The following RB1CC1 variants were observed in gnomAD, a reference collection of about 807,000 sequenced individuals.
The protein encoded by RB1CC1 is RB1 inducible coiled-coil 1.
RB1CC1 carries 46 observed loss-of-function variants against 177.5 expected under a neutral mutation model. That is an observed-to-expected ratio of 0.26 (90% CI 0.20 to 0.33). The LOEUF is 0.33. Among genes scored for constraint, RB1CC1 ranks in the 10% least tolerant of loss-of-function variants. The pLI is 1.00. For synonymous variants in RB1CC1, 666 were observed against 613.6 expected (o/e 1.09, Z -1.26); for missense variants, 1,703 against 1,816.3 (o/e 0.94, Z 1.13).
chr8:52,667,897 A>T, intron 8 of RB1CC1, 124 bp downstream of exon 8: 2 of 910,482 alleles, frequency 2.2e-6, no homozygotes, highest in Non-Finnish European at 1.6e-6. Context: ...AAACAATATT[A>T]ATACATTAAA....
Position 52,671,521 on chromosome 8 carries a change from AG to A in RB1CC1, c.1002+2323del, listed in dbSNP as rs1200444522. On this transcript the variant is annotated intron_variant, in intron 7 of 23. Coordinates refer to ENST00000025008, the MANE Select transcript of RB1CC1 (RefSeq NM_014781.5). ...TCGGTTCATCTTCAGAAATGCCCCT[AG>A]TCTTATCAAGAAAAAGTATAGTACT... is the stretch of plus-strand genomic sequence containing the variant. Among the ~76,000 whole-genome samples the A allele has an allele frequency of 7.9e-5, 12 of 152,342 alleles. No homozygotes were observed. The East Asian group carries it at 2.3e-3, about 29-fold the overall frequency.
chr8:52,677,174 T>C (rs980988655), intron 5 of RB1CC1, among the ~76,000 whole-genome samples: 1 of 152,190 alleles, frequency 6.6e-6, no homozygotes, highest in Non-Finnish European at 1.5e-5. Flanking sequence ...TAAAATATTT[T>C]AGTTGGCAAG....
intron 1 of RB1CC1, among the ~76,000 whole-genome samples, chr8:52,690,131 T>G (rs1319256187): frequency 6.6e-6 from 1 of 152,160 alleles, no homozygotes; most frequent in East Asian, 1.9e-4. Flanking sequence ...AAGCTAGAGA[T>G]AAACAGGAAT....
intron 1 of RB1CC1, among the ~76,000 whole-genome samples, chr8:52,701,488 A>G (rs1181247027): frequency 6.6e-6 from 1 of 152,152 alleles, no homozygotes; most frequent in Non-Finnish European, 1.5e-5. Flanking sequence ...CTTTGCCTGA[A>G]CACTCTGATC....
rs759150964 is a variant in RB1CC1, at chr8:52,656,228, G to C, written c.3601C>G (p.Gln1201Glu). The C allele has an allele frequency of 1.9e-5, 30 of 1,613,062 alleles. No individual in the cohort carries two copies. Among genetic ancestry groups the C allele is most frequent in the East Asian group, 8.9e-5 (4 of 44,832 alleles). The part of the protein sequence containing the change: ...ERQKDEKITQ[Q>E]EEKYEAIIQN... Reference sequence around the variant, plus strand: ...ATAATAGCTTCGTATTTCTCTTCTTGTTGGGTAATTTTTTCATCTTTTTGT... The same window carrying C: ...ATAATAGCTTCGTATTTCTCTTCTTCTTGGGTAATTTTTTCATCTTTTTGT... The change falls in exon 15 of 24, where the codon CAA becomes GAA. Residue 1201 changes from glutamine (Q) to glutamate (E), a missense_variant. By Grantham distance (29) the Gln-to-Glu change is conservative. Around this residue, in one of 6 missense-constraint regions of RB1CC1, gnomAD observed 1,169 missense variants for 1,184.7 expected, o/e 0.99. Transcript: ENST00000025008.
At chr8:52,699,208 T>C (rs906176644) in intron 1 of RB1CC1, among the ~76,000 whole-genome samples, 1 of 152,154 alleles carries the variant, frequency 6.6e-6, no homozygotes, top group Admixed American at 6.5e-5. Flanking sequence ...AGGAAGAACT[T>C]AACAGACCTG....
At position 52,623,674 on chromosome 8, in the gene RB1CC1, C is replaced by G. The variant is rs745321743; in HGVS notation, c.*108G>C. ...TGTACACCAGTGAAGTATATTGTCA[C>G]GCTGACTTTTGCATAAAAAGATGGC... On this transcript the variant is annotated 3_prime_UTR_variant, in exon 24 of 24. Coordinates refer to ENST00000025008, the MANE Select transcript of RB1CC1 (RefSeq NM_014781.5). The G allele has an allele frequency of 7.8e-6, 6 of 766,740 alleles. No individual in the cohort carries two copies. The highest frequency in any genetic ancestry group is 1.4e-5 in the Non-Finnish European group (6 of 432,324). 47.5% of individuals were successfully genotyped at this position (766,740 alleles called of 1,614,324 possible). A position where few individuals can be genotyped will look rare whatever the true frequency, so the allele number is the denominator to read the frequency against.
intron 18 of RB1CC1, among the ~76,000 whole-genome samples, chr8:52,641,486 TTATC>T (rs1849581652): frequency 6.6e-6 from 1 of 151,984 alleles, no homozygotes; most frequent in Admixed American, 6.6e-5. Flanking sequence ...ATCATAACTG[TTATC>T]TTGATGGAAA....
intron 18 of RB1CC1, among the ~76,000 whole-genome samples, chr8:52,637,022 CT>C (rs1486856744): frequency 4.7e-5 from 7 of 149,984 alleles, no homozygotes; most frequent in Admixed American, 4.6e-4. Flanking sequence ...CAGTGTGAGA[CT>C]TTGTTATTTT....
At chr8:52,681,841 T>G (rs1853761615) in intron 5 of RB1CC1, among the ~76,000 whole-genome samples, 1 of 152,202 alleles carries the variant, frequency 6.6e-6, no homozygotes, top group Non-Finnish European at 1.5e-5. Flanking sequence ...TTTCAGAAGA[T>G]GTACGGAAAC....
chr8:52,675,013 T>G (rs559813194), intron 6 of RB1CC1, among the ~76,000 whole-genome samples: 1 of 152,042 alleles, frequency 6.6e-6, no homozygotes, highest in Non-Finnish European at 1.5e-5. Context: ...TGAAAACAGG[T>G]TTATGTTGTC....
intron 14 of RB1CC1, 43 bp downstream of exon 14, chr8:52,657,955 T>G (rs758785122): frequency 6.2e-7 from 1 of 1,613,198 alleles, no homozygotes; most frequent in South Asian, 1.1e-5. Flanking sequence ...AACACAAACA[T>G]TTTACACTAA....
At chr8:52,651,130 A>G (rs1850535373) in intron 15 of RB1CC1, among the ~76,000 whole-genome samples, 1 of 152,252 alleles carries the variant, frequency 6.6e-6, no homozygotes, top group Non-Finnish European at 1.5e-5. Flanking sequence ...GACAGTTACA[A>G]GAGGAGGGAC....
At chr8:52,654,257 T>C (rs1378749721) in intron 15 of RB1CC1, among the ~76,000 whole-genome samples, 2 of 152,238 alleles carry the variant, frequency 1.3e-5, no homozygotes, top group East Asian at 1.9e-4. Flanking sequence ...TAGTATTCCA[T>C]AGGCTTTGCC....
At chr8:52,690,241 C>T (rs1854703042) in intron 1 of RB1CC1, among the ~76,000 whole-genome samples, 1 of 152,208 alleles carries the variant, frequency 6.6e-6, no homozygotes, top group Non-Finnish European at 1.5e-5. Context: ...TTACAGGAGG[C>T]ATTTTGTTTT....
chr8:52,684,451 CTATT>C (rs1468001410), intron 3 of RB1CC1, among the ~76,000 whole-genome samples: 2 of 152,124 alleles, frequency 1.3e-5, no homozygotes, highest in Non-Finnish European at 2.9e-5. Flanking sequence ...ATTTCACACA[CTATT>C]TATAATAATT....
At chr8:52,659,311 C>T (rs78472742) in intron 12 of RB1CC1, among the ~76,000 whole-genome samples, 4,361 of 151,898 alleles carry the variant, frequency 0.029, 241 homozygotes, top group African/African-American at 0.099. Flanking sequence ...TAAGTGTGTG[C>T]GTATATATAT....
At chr8:52,703,619 T>G (rs1365553542) in intron 1 of RB1CC1, among the ~76,000 whole-genome samples, 3 of 152,186 alleles carry the variant, frequency 2.0e-5, no homozygotes. Flanking sequence ...TGGCTGTCAG[T>G]GGTCTTGTTC....
intron 1 of RB1CC1, among the ~76,000 whole-genome samples, chr8:52,687,705 C>G (rs911411214): frequency 4.6e-5 from 7 of 152,138 alleles, no homozygotes; most frequent in African/African-American, 1.7e-4. Context: ...AGATCCTTTC[C>G]TAGTTGAGCC....
Sources: gnomAD v4.1 joint callset for allele counts (sites outside exome capture counted in the v4.1 genomes callset) on GRCh38, gnomAD v4.1.1 for gene constraint, gnomAD v4.1.1 regional missense constraint, MANE v1.5 for transcripts, NCBI Gene and HGNC (gene_info 2026-07-23, HGNC 2026-07-21) for gene names.